GNG4: variants seen among roughly 807,000 people sequenced by gnomAD.
GNG4 encodes guanine nucleotide-binding protein G(I)/G(S)/G(O) subunit gamma-4.
In GNG4, 4 loss-of-function variants were observed where a neutral mutation model predicts 5.8. The observed-to-expected ratio is 0.69, with a 90% confidence interval of 0.34 to 1.57. GNG4 has a LOEUF of 1.57. Among genes scored for constraint, GNG4 ranks in the 40% most tolerant of loss-of-function variants. The pLI is 0.06. For synonymous variants in GNG4, 29 were observed against 32.9 expected, an observed-to-expected ratio of 0.88 and a Z score of 0.41; for missense variants, 96 against 95.1, an observed-to-expected ratio of 1.01 and a Z score of -0.04.
intron 3 of GNG4, among the ~76,000 whole-genome samples, chr1:235,560,269 A>G (rs879923308): frequency 2.0e-5 from 3 of 152,140 alleles, no homozygotes; most frequent in African/African-American, 7.2e-5. Context: ...GCATGTTAGG[A>G]GGTGAGGCCT....
intron 1 of GNG4, among the ~76,000 whole-genome samples, chr1:235,643,578 T>C (rs1657401493): frequency 6.6e-6 from 1 of 152,208 alleles, no homozygotes; most frequent in African/African-American, 2.4e-5. Flanking sequence ...ATGCAGTCAA[T>C]GAACACCTCA....
intron 2 of GNG4, among the ~76,000 whole-genome samples, chr1:235,591,540 C>G (rs114335888): frequency 1.9e-3 from 284 of 152,304 alleles, no homozygotes; most frequent in Non-Finnish European, 3.3e-3. Flanking sequence ...AACGCCCCTG[C>G]CTTTCTGAGA....
At chr1:235,561,455 C>T (rs291349) in intron 3 of GNG4, among the ~76,000 whole-genome samples, 63,948 of 151,900 alleles carry the variant, frequency 0.42, 15,251 homozygotes, top group East Asian at 0.85. Context: ...CTCTGCCACC[C>T]GGCTGGACTG....
At chr1:235,601,554 T>C (rs999227185) in intron 1 of GNG4, among the ~76,000 whole-genome samples, 4 of 152,158 alleles carry the variant, frequency 2.6e-5, no homozygotes, top group African/African-American at 9.7e-5. Flanking sequence ...GAGAGATGTA[T>C]AAATAAGCAA....
intron 1 of GNG4, among the ~76,000 whole-genome samples, chr1:235,617,845 A>G (rs982966217): frequency 2.0e-5 from 3 of 148,700 alleles, no homozygotes; most frequent in Non-Finnish European, 3.0e-5. Flanking sequence ...AGATTGTGCC[A>G]CCGCACTCCA....
chr1:235,632,754 T>G (rs192648408), intron 1 of GNG4, among the ~76,000 whole-genome samples: 1 of 152,162 alleles, frequency 6.6e-6, no homozygotes, highest in Non-Finnish European at 1.5e-5. Context: ...CCTAGAATAT[T>G]AGACATTGTC....
intron 1 of GNG4, among the ~76,000 whole-genome samples, chr1:235,631,568 T>A (rs1050484252): frequency 1.7e-5 from 2 of 118,588 alleles, no homozygotes; most frequent in African/African-American, 8.4e-5. Context: ...TTTTCTTTTC[T>A]TTCTTTCTTT....
At chr1:235,565,163 C>T (rs1558476177) in intron 3 of GNG4, among the ~76,000 whole-genome samples, 1 of 152,090 alleles carries the variant, frequency 6.6e-6, no homozygotes, top group Non-Finnish European at 1.5e-5. Context: ...TGGCAAGAAT[C>T]CTGAACAGGA....
intron 3 of GNG4, among the ~76,000 whole-genome samples, chr1:235,570,945 C>CACACACACATAT (rs535079462): frequency 5.2e-5 from 6 of 115,638 alleles, no homozygotes; most frequent in East Asian, 5.7e-4. Flanking sequence ...CACACACACA[C>CACACACACATAT]ATATATATAT....
rs7521258 is a variant in GNG4, at chr1:235,648,122, G to C, written c.-123+1540C>G. On this transcript the variant is annotated intron_variant, in intron 1 of 3. Transcript: ENST00000391854. This position sits in a 1 kb window ranked among gnomAD's most constrained non-coding sequence, Gnocchi z 5.0. ...CTTAGCTGTGCTGTTTCTGAGCCAG[G>C]CCTACATCCTCCACTGGCTTCCTTG... 0.69 allele frequency among the ~76,000 whole-genome samples: 105,047 copies of C among 151,862 alleles called. 37,023 individuals are homozygous for C. The highest frequency in any genetic ancestry group is 0.79 in the African/African-American group (32,845 of 41,358).
rs2183481 is a variant in GNG4 at position 235,584,120 on chromosome 1, C to T, written c.-10-272G>A. Among the ~76,000 whole-genome samples the T allele has an allele frequency of 6.7e-4, 102 of 152,268 alleles. No individual in the cohort carries two copies. In the East Asian group the frequency reaches 0.018, roughly 26 times the overall value. The stretch of plus-strand genomic sequence containing the variant: ...TTCCAGAATGACTTTTCCATCACCC[C>T]CACCACTGCCACCACCATCACCACC... On this transcript the variant is annotated intron_variant, in intron 2 of 3. Transcript: ENST00000391854.
At chr1:235,589,144 A>G (rs923443576) in intron 2 of GNG4, among the ~76,000 whole-genome samples, 1 of 152,260 alleles carries the variant, frequency 6.6e-6, no homozygotes, top group Non-Finnish European at 1.5e-5. Context: ...ACAGCCATAT[A>G]GCCATAACAT....
chr1:235,626,683 G>T (rs1688817456), intron 1 of GNG4, among the ~76,000 whole-genome samples: 1 of 152,126 alleles, frequency 6.6e-6, no homozygotes, highest in South Asian at 2.1e-4. Flanking sequence ...ACCAGGCCGG[G>T]CACGGTGGCT....
At chr1:235,605,528 A>G (rs1276901513) in intron 1 of GNG4, among the ~76,000 whole-genome samples, 1 of 152,180 alleles carries the variant, frequency 6.6e-6, no homozygotes, top group Non-Finnish European at 1.5e-5. Flanking sequence ...AGCAAACTCA[A>G]CAATCAAATC....
rs748568042 is a variant in GNG4 at position 235,549,593 on chromosome 1, G to A, written c.*2516C>T. 3.3e-5 allele frequency: 5 copies of A among 152,042 alleles called. No homozygotes were observed. Among genetic ancestry groups the A allele is most frequent in the Non-Finnish European group, 7.4e-5 (5 of 68,006 alleles). 9.4% of individuals were successfully genotyped at this position (152,042 alleles called of 1,614,324 possible). A position where few individuals can be genotyped will look rare whatever the true frequency, so the allele number is the denominator to read the frequency against. On this transcript the variant is annotated 3_prime_UTR_variant, in exon 4 of 4. Coordinates refer to ENST00000391854, the MANE Select transcript of GNG4 (RefSeq NM_001098722.2). ...TCCTGGTCATAACTGCACTATCAAA[G>A]GATCTGAGGTCCTAGCGTCACATCC...
At chr1:235,586,830 A>G (rs1038027730) in intron 2 of GNG4, among the ~76,000 whole-genome samples, 2 of 152,198 alleles carry the variant, frequency 1.3e-5, no homozygotes, top group Non-Finnish European at 2.9e-5. Flanking sequence ...GCAGGACCAT[A>G]AGCCAATTAA....
intron 2 of GNG4, among the ~76,000 whole-genome samples, chr1:235,585,110 TTCCTTCCCTCCC>T (rs1687727058): frequency 6.6e-6 from 1 of 152,018 alleles, no homozygotes; most frequent in South Asian, 2.1e-4. Flanking sequence ...TTCTCCTTCC[TTCCTTCCCTCCC>T]TCCTTCCCTT....
chr1:235,592,781 A>G (rs1429726225), intron 2 of GNG4, among the ~76,000 whole-genome samples: 6 of 152,030 alleles, frequency 3.9e-5, no homozygotes, highest in Non-Finnish European at 8.8e-5. Flanking sequence ...TCCGACTTTA[A>G]AAACCCTTAC....
chr1:235,640,374 C>T (rs1238725226), intron 1 of GNG4, among the ~76,000 whole-genome samples: 1 of 152,166 alleles, frequency 6.6e-6, no homozygotes, highest in Non-Finnish European at 1.5e-5. Flanking sequence ...GACCCTAGCC[C>T]AGACCCACTA....
Sources: gnomAD v4.1 joint callset for allele counts (sites outside exome capture counted in the v4.1 genomes callset) on GRCh38, gnomAD v4.1.1 for gene constraint, Gnocchi (gnomAD v3.1) non-coding constraint, MANE v1.5 for transcripts, NCBI Gene and HGNC (gene_info 2026-07-23, HGNC 2026-07-21) for gene names.